The following MLIP variants were observed in gnomAD, a reference collection of about 807,000 sequenced individuals.
The protein encoded by MLIP is muscular LMNA interacting protein, also known as muscular LMNA-interacting protein.
A neutral mutation model predicts 84.8 loss-of-function variants in MLIP; 79 were observed. The ratio of observed to expected loss-of-function variants is 0.93; its 90% CI spans 0.78 to 1.12. MLIP has a LOEUF of 1.12. Ranked by LOEUF, MLIP falls within the 50% of genes most tolerant of loss-of-function variation. The probability of loss-of-function intolerance (pLI) is 0.00; values close to 1 mark genes in which losing one functional copy is unlikely to be tolerated. For missense variants in MLIP, 1,257 were observed against 1,160.6 expected, an observed-to-expected ratio of 1.08 and a Z score of -1.21; for synonymous variants, 504 against 463.0, an observed-to-expected ratio of 1.09 and a Z score of -1.14.
At chr6:54,085,015 G>T (rs1187346952) in intron 1 of MLIP, among the ~76,000 whole-genome samples, 1 of 152,168 alleles carries the variant, frequency 6.6e-6, no homozygotes, top group African/African-American at 2.4e-5. Context: ...AGATAGACCA[G>T]ATTTGAAATC....
chr6:54,181,946 T>C (rs1332430697), intron 9 of MLIP, among the ~76,000 whole-genome samples: 1 of 152,156 alleles, frequency 6.6e-6, no homozygotes, highest in Non-Finnish European at 1.5e-5. Flanking sequence ...GGAGTCACTT[T>C]TGTTGCTGCG....
chr6:54,065,861 A>T lies in MLIP; in HGVS notation c.63+46770A>T, dbSNP rs1399402870. ...TACTTATTTAAATAATCTTTTCAGT[A>T]GCAGAAAATGGATTTCTGACTCTGT... On this transcript the variant is annotated intron_variant, in intron 1 of 12. Transcript: ENST00000274897. Among the ~76,000 whole-genome samples, 2 of 97,066 alleles carry T rather than the reference A, an allele frequency of 2.1e-5. 1 individual carries two copies. Among genetic ancestry groups the T allele is most frequent in the Non-Finnish European group, 5.9e-5 (2 of 33,714 alleles). The allele number at this position is 97,066 out of a possible 152,430, so 63.7% of individuals were successfully genotyped here. A position where few individuals can be genotyped will look rare whatever the true frequency, so the allele number is the denominator to read the frequency against.
At chr6:54,125,922 C>T (rs530414563) in intron 3 of MLIP, among the ~76,000 whole-genome samples, 1 of 151,786 alleles carries the variant, frequency 6.6e-6, no homozygotes, top group African/African-American at 2.4e-5. Context: ...CACTGAGTTT[C>T]TGATGCTGCA....
intron 11 of MLIP, among the ~76,000 whole-genome samples, chr6:54,205,942 A>G (rs1779008166): frequency 6.6e-6 from 1 of 152,192 alleles, no homozygotes; most frequent in East Asian, 1.9e-4. Context: ...CCATAAATCT[A>G]TGGATTTAAA....
At chr6:54,033,631 A>C (rs566545936) in intron 1 of MLIP, among the ~76,000 whole-genome samples, 6 of 152,204 alleles carry the variant, frequency 3.9e-5, no homozygotes, top group African/African-American at 1.4e-4. Context: ...GCCTCAGGAC[A>C]GCCTGAATCC....
At chr6:54,093,906 T>C (rs1768033427) in intron 1 of MLIP, among the ~76,000 whole-genome samples, 1 of 152,164 alleles carries the variant, frequency 6.6e-6, no homozygotes, top group African/African-American at 2.4e-5. Flanking sequence ...TTCTGGCCCC[T>C]TACAGAAAGA....
rs1582091713 is a variant in MLIP at position 54,080,333 on chromosome 6, T to A, written c.64-41114T>A. Among the ~76,000 whole-genome samples the A allele has an allele frequency of 2.6e-5, 4 of 152,090 alleles. 1 individual carries two copies. Among genetic ancestry groups the A allele is most frequent in the Admixed American group, 2.6e-4 (4 of 15,276 alleles). On this transcript the variant is annotated intron_variant, in intron 1 of 12. Coordinates refer to the MLIP transcript ENST00000274897. ...CTTTCTCAAACAAAAAAATTATATG[T>A]TTATATAAACATATAGACTCCATCT... is the stretch of plus-strand genomic sequence containing the variant.
At chr6:54,037,249 G>A (rs946466365) in intron 1 of MLIP, among the ~76,000 whole-genome samples, 3 of 151,954 alleles carry the variant, frequency 2.0e-5, no homozygotes. Flanking sequence ...GGGGTACATC[G>A]TACAGCTGCA....
At chr6:54,019,858 T>G (rs962332045) in intron 1 of MLIP, among the ~76,000 whole-genome samples, 1 of 152,314 alleles carries the variant, frequency 6.6e-6, no homozygotes, top group South Asian at 2.1e-4. Context: ...TTGAGGTTTA[T>G]GGACTATTCA....
intron 1 of MLIP, among the ~76,000 whole-genome samples, chr6:54,022,727 G>A (rs1315723348): frequency 6.6e-6 from 1 of 151,584 alleles, no homozygotes; most frequent in African/African-American, 2.4e-5. Context: ...TGTACCTCAG[G>A]GCATTCTGAT....
intron 1 of MLIP, among the ~76,000 whole-genome samples, chr6:54,112,742 A>G (rs956556144): frequency 1.3e-5 from 2 of 152,238 alleles, no homozygotes; most frequent in Non-Finnish European, 2.9e-5. Context: ...AAATATAACA[A>G]TAAATTAGAA....
intron 9 of MLIP, among the ~76,000 whole-genome samples, chr6:54,177,193 G>A (rs868287715): frequency 6.6e-6 from 1 of 152,038 alleles, no homozygotes; most frequent in Non-Finnish European, 1.5e-5. Flanking sequence ...AGCAAAAATT[G>A]ACAAATGGGA....
intron 1 of MLIP, among the ~76,000 whole-genome samples, chr6:54,093,977 A>G (rs1204279248): frequency 1.3e-5 from 2 of 152,212 alleles, no homozygotes; most frequent in Non-Finnish European, 2.9e-5. Context: ...TTTCTGACAC[A>G]GGATAAATAT....
chr6:54,205,574 AT>A (rs1778980668), intron 11 of MLIP, among the ~76,000 whole-genome samples: 1 of 152,102 alleles, frequency 6.6e-6, no homozygotes, highest in African/African-American at 2.4e-5. Flanking sequence ...ACAGAAATGT[AT>A]TTACTGTAGT....
chr6:54,059,730 T>C (rs1765858074), intron 1 of MLIP, among the ~76,000 whole-genome samples: 1 of 152,166 alleles, frequency 6.6e-6, no homozygotes, highest in African/African-American at 2.4e-5. Flanking sequence ...ATCTAAAGGT[T>C]AGAATTTTTT....
chr6:54,117,435 C>T (rs571988692), intron 1 of MLIP, among the ~76,000 whole-genome samples: 12 of 150,838 alleles, frequency 8.0e-5, no homozygotes, highest in South Asian at 6.4e-4. Flanking sequence ...AGGATGGTCT[C>T]GATCTCCTGA....
intron 11 of MLIP, among the ~76,000 whole-genome samples, chr6:54,222,402 A>C (rs1780279399): frequency 1.3e-5 from 2 of 151,946 alleles, no homozygotes; most frequent in African/African-American, 4.8e-5. Flanking sequence ...GGTAATCACT[A>C]TTCTACTCTC....
chr6:54,099,863 TGAAGAG>T (rs1768513103), intron 1 of MLIP, among the ~76,000 whole-genome samples: 1 of 152,012 alleles, frequency 6.6e-6, no homozygotes, highest in African/African-American at 2.4e-5. Flanking sequence ...CTTCATTTTA[TGAAGAG>T]ATATAAGGGT....
chr6:54,176,721 C>CA (rs980088331), intron 9 of MLIP, among the ~76,000 whole-genome samples: 5 of 151,378 alleles, frequency 3.3e-5, no homozygotes, highest in South Asian at 2.1e-4. Flanking sequence ...CATATGAAAC[C>CA]AAAAAAGAGC....
Sources: allele counts gnomAD v4.1 joint callset (sites outside exome capture counted in the v4.1 genomes callset), GRCh38; gene constraint gnomAD v4.1.1; transcripts MANE v1.5; gene names NCBI Gene and HGNC (gene_info 2026-07-23, HGNC 2026-07-21).